Variants in ARHGEF3 observed in about 807,000 individuals in gnomAD.
ARHGEF3 encodes Rho guanine nucleotide exchange factor 3, also known as 59.8 kDA protein.
In ARHGEF3, 28 loss-of-function variants were observed where a neutral mutation model predicts 63.2. The observed-to-expected ratio is 0.44, with a 90% CI of 0.33 to 0.61. The LOEUF (loss-of-function observed/expected upper bound fraction) is 0.61. Ranked by LOEUF, ARHGEF3 falls within the 20% of genes least tolerant of loss-of-function variation. The pLI, the probability that ARHGEF3 is intolerant of heterozygous loss-of-function variation, is 0.03. For missense variants in ARHGEF3, 533 were observed against 659.3 expected, an observed-to-expected ratio of 0.81 and a Z score of 2.10; for synonymous variants, 266 against 254.2, an observed-to-expected ratio of 1.05 and a Z score of -0.44.
At chr3:57,054,933 G>C (rs1351703222) in intron 1 of ARHGEF3, among the ~76,000 whole-genome samples, 1 of 151,974 alleles carries the variant, frequency 6.6e-6, no homozygotes. Flanking sequence ...ACAGGCGTGA[G>C]CCATCGCACC....
chr3:57,011,088 T>G (rs1332233871), intron 2 of ARHGEF3, among the ~76,000 whole-genome samples: 1 of 152,114 alleles, frequency 6.6e-6, no homozygotes, highest in Non-Finnish European at 1.5e-5. Flanking sequence ...CACCCCTGCG[T>G]GTAGGAGCTA....
chr3:56,933,984 C>CTTGCCTGCCACCATGTAAGAT (rs1393539117), intron 3 of ARHGEF3, among the ~76,000 whole-genome samples: 2 of 152,214 alleles, frequency 1.3e-5, no homozygotes, highest in Admixed American at 6.5e-5. Context: ...CACTTGCTCT[C>CTTGCCTGCCACCATGTAAGAT]TTGCCTGCCA....
At chr3:56,911,986 T>C (rs949737319) in intron 3 of ARHGEF3, among the ~76,000 whole-genome samples, 75 of 150,522 alleles carry the variant, frequency 5.0e-4, no homozygotes, top group African/African-American at 1.7e-3. Flanking sequence ...TATACACACA[T>C]ATATATATAC....
chr3:56,879,215 C>T (rs562463123), intron 4 of ARHGEF3, among the ~76,000 whole-genome samples: 6 of 152,166 alleles, frequency 3.9e-5, no homozygotes, highest in Admixed American at 1.3e-4. Flanking sequence ...GAAACCATCC[C>T]CTACCCCACC....
At chr3:56,741,248 C>T (rs1447724949) in intron 7 of ARHGEF3, among the ~76,000 whole-genome samples, 2 of 147,658 alleles carry the variant, frequency 1.4e-5, no homozygotes, top group Middle Eastern at 3.5e-3. Context: ...TGCAATGGCG[C>T]AATCTCGGCT....
At chr3:56,993,287 A>C (rs1471730293) in intron 2 of ARHGEF3, among the ~76,000 whole-genome samples, 2 of 152,196 alleles carry the variant, frequency 1.3e-5, no homozygotes, top group East Asian at 1.9e-4. Flanking sequence ...CTTTCCTGGC[A>C]TAAAGGACAT....
intron 2 of ARHGEF3, among the ~76,000 whole-genome samples, chr3:57,034,549 A>G (rs1019882427): frequency 4.6e-5 from 7 of 152,036 alleles, no homozygotes; most frequent in Non-Finnish European, 8.8e-5. Context: ...GAAAAATCCC[A>G]TCATACTGAA....
chr3:57,071,494 T>C (rs1472941806), intron 1 of ARHGEF3, among the ~76,000 whole-genome samples: 2 of 152,010 alleles, frequency 1.3e-5, no homozygotes, highest in Non-Finnish European at 2.9e-5. Flanking sequence ...ACCCCGTCTC[T>C]ACTAAAAATA....
intron 3 of ARHGEF3, among the ~76,000 whole-genome samples, chr3:56,923,588 A>ATTTATTTT (rs2042207199): frequency 6.6e-6 from 1 of 152,086 alleles, no homozygotes; most frequent in Non-Finnish European, 1.5e-5. Flanking sequence ...CTTAAGTCAT[A>ATTTATTTT]TTTATTTTTT....
intron 1 of ARHGEF3, among the ~76,000 whole-genome samples, chr3:57,071,360 A>G (rs1352087413): frequency 1.3e-5 from 2 of 152,180 alleles, no homozygotes; most frequent in African/African-American, 4.8e-5. Flanking sequence ...TAAAACTCTT[A>G]TAAGAATATA....
At chr3:56,829,426 C>A (rs73082091) in intron 4 of ARHGEF3, among the ~76,000 whole-genome samples, 24,716 of 152,066 alleles carry the variant, frequency 0.16, 2,332 homozygotes, top group East Asian at 0.36. Context: ...ACAGCAATGC[C>A]CCCACATTTG....
chr3:57,004,909 G>A (rs1702410062), intron 2 of ARHGEF3, among the ~76,000 whole-genome samples: 1 of 152,062 alleles, frequency 6.6e-6, no homozygotes, highest in Non-Finnish European at 1.5e-5. Flanking sequence ...GCAGTGAGCT[G>A]AGATTGTGCC....
chr3:56,868,296 C>T (rs557739857), intron 4 of ARHGEF3, among the ~76,000 whole-genome samples: 9 of 152,106 alleles, frequency 5.9e-5, no homozygotes, highest in African/African-American at 2.2e-4. Flanking sequence ...ACCTTCCCGA[C>T]TGAACCTTTG....
At chr3:56,902,232 G>C (rs2041531788) in intron 3 of ARHGEF3, among the ~76,000 whole-genome samples, 1 of 152,216 alleles carries the variant, frequency 6.6e-6, no homozygotes, top group Admixed American at 6.5e-5. Flanking sequence ...GACTGCACAA[G>C]TGCCATGAGT....
intron 4 of ARHGEF3, among the ~76,000 whole-genome samples, chr3:56,835,781 T>C (rs1484641828): frequency 6.6e-6 from 1 of 152,092 alleles, no homozygotes; most frequent in Non-Finnish European, 1.5e-5. Flanking sequence ...CCAGGCCGGA[T>C]AGCTAAAATG....
chr3:56,924,171 G>A (rs2042220675), intron 3 of ARHGEF3, among the ~76,000 whole-genome samples: 2 of 152,194 alleles, frequency 1.3e-5, no homozygotes, highest in African/African-American at 4.8e-5. Context: ...AAACAGGGGA[G>A]AAACATGCTA....
intron 9 of ARHGEF3, 112 bp from the exon 10 acceptor site, chr3:56,729,734 T>C (rs2032987093): frequency 1.1e-6 from 1 of 883,222 alleles, no homozygotes; most frequent in Non-Finnish European, 1.7e-6. Context: ...GTATTGCTGA[T>C]AACAAAACGT....
At chr3:56,864,167 TC>T (rs1388193230) in intron 4 of ARHGEF3, among the ~76,000 whole-genome samples, 2 of 152,104 alleles carry the variant, frequency 1.3e-5, no homozygotes, top group Non-Finnish European at 2.9e-5. Context: ...GCCTAACACA[TC>T]CCCTTCCTAG....
At chr3:56,978,256 A>G (rs1701198532) in intron 2 of ARHGEF3, among the ~76,000 whole-genome samples, 1 of 152,260 alleles carries the variant, frequency 6.6e-6, no homozygotes, top group Non-Finnish European at 1.5e-5. Flanking sequence ...TCAAATGGAT[A>G]GCACTCAAAA....
Sources: allele counts gnomAD v4.1 joint callset (sites outside exome capture counted in the v4.1 genomes callset), GRCh38; gene constraint gnomAD v4.1.1; transcripts MANE v1.5; gene names NCBI Gene and HGNC (gene_info 2026-07-23, HGNC 2026-07-21).